The following USH2A variants were observed in gnomAD, a reference collection of about 807,000 sequenced individuals.
USH2A encodes the protein usherin, also known as Usher syndrome 2A (autosomal recessive, mild).
USH2A carries 443 observed loss-of-function variants against 538.9 expected under a neutral mutation model. That is an observed-to-expected ratio of 0.82 (90% CI 0.76 to 0.89). The LOEUF (loss-of-function observed/expected upper bound fraction) is 0.89, where lower values mean the gene tolerates loss of function less well. Ranked by LOEUF, USH2A falls within the 40% of genes least tolerant of loss-of-function variation. The probability of loss-of-function intolerance (pLI) is 0.00; values close to 1 mark genes in which losing one functional copy is unlikely to be tolerated. For missense variants in USH2A, 6,633 were observed against 6,324.8 expected (o/e 1.05, Z -1.65); for synonymous variants, 2,413 against 2,273.5 (o/e 1.06, Z -1.75).
chr1:216,233,308 T>C (rs1354671279), intron 13 of USH2A, among the ~76,000 whole-genome samples: 2 of 152,116 alleles, frequency 1.3e-5, no homozygotes, highest in African/African-American at 4.8e-5. Context: ...TTTTGACCTA[T>C]CTCTGTTGCT....
At chr1:215,901,330 A>C in intron 38 of USH2A, 1 of 273,824 alleles carries the variant, frequency 3.7e-6, no homozygotes, top group Non-Finnish European at 7.2e-6. Context: ...TGCCTTAATC[A>C]CACCACTACA....
At chr1:215,973,220 C>T (rs989120298) in intron 35 of USH2A, among the ~76,000 whole-genome samples, 1 of 152,032 alleles carries the variant, frequency 6.6e-6, no homozygotes, top group African/African-American at 2.4e-5. Context: ...AATTGGGGAA[C>T]AGAGAATGTC....
At chr1:216,242,695 G>A (rs1042228435) in intron 13 of USH2A, among the ~76,000 whole-genome samples, 6 of 152,008 alleles carry the variant, frequency 3.9e-5, no homozygotes, top group African/African-American at 1.5e-4. Context: ...ATATAAACAT[G>A]GCTACCCAGT....
At chr1:215,645,545 A>G (rs1325700500) in intron 67 of USH2A, among the ~76,000 whole-genome samples, 1 of 152,218 alleles carries the variant, frequency 6.6e-6, no homozygotes. Context: ...TGTTGTAAGA[A>G]TTATTTGTAA....
intron 3 of USH2A, among the ~76,000 whole-genome samples, chr1:216,416,437 G>A (rs892210323): frequency 2.0e-5 from 3 of 152,178 alleles, no homozygotes; most frequent in Middle Eastern, 3.4e-3. Context: ...ATGCAGAATA[G>A]TTTAAAACTT....
At chr1:216,147,283 C>CTA (rs1319815768) in intron 21 of USH2A, among the ~76,000 whole-genome samples, 5 of 152,076 alleles carry the variant, frequency 3.3e-5, no homozygotes, top group African/African-American at 1.2e-4. Context: ...CTCCTCCACC[C>CTA]TATAATCTTT....
At chr1:215,790,562 T>A (rs1571689828) in intron 50 of USH2A, among the ~76,000 whole-genome samples, 1 of 152,200 alleles carries the variant, frequency 6.6e-6, no homozygotes, top group Admixed American at 6.5e-5. Flanking sequence ...AGAGATAGGA[T>A]TTCTGTCATG....
chr1:216,422,237 G>GA lies in USH2A; in HGVS notation c.99_100insT (p.Arg34SerfsTer41), dbSNP rs141672841. The GA allele has an allele frequency of 1.9e-6, 3 of 1,613,080 alleles. No homozygotes were observed. The East Asian group carries it at 6.7e-5, about 36-fold the overall frequency. The stretch of plus-strand genomic sequence containing the variant: ...TTCTCCAGCCTTGGGAAAAGACCTC[G>GA]TGACTCAGTCAAGGATATTGAAGCA... On this transcript the variant is annotated frameshift_variant, in exon 2 of 72. Transcript: ENST00000307340. LOFTEE classifies it high-confidence loss of function.
chr1:216,131,181 T>C (rs1015930034), intron 21 of USH2A, among the ~76,000 whole-genome samples: 1 of 152,038 alleles, frequency 6.6e-6, no homozygotes, highest in African/African-American at 2.4e-5. Flanking sequence ...GCTAATTTGT[T>C]TGACTTTGTT....
intron 15 of USH2A, among the ~76,000 whole-genome samples, chr1:216,214,124 G>A (rs1186228411): frequency 6.6e-6 from 1 of 151,948 alleles, no homozygotes; most frequent in East Asian, 1.9e-4. Context: ...CAGCCATGTT[G>A]GAAAATAATT....
intron 11 of USH2A, among the ~76,000 whole-genome samples, chr1:216,278,844 A>C (rs964143878): frequency 2.0e-5 from 3 of 152,200 alleles, no homozygotes; most frequent in Non-Finnish European, 4.4e-5. Context: ...CAGAAGAGAA[A>C]CCATTAATGA....
chr1:216,034,686 G>A (rs1470006046), intron 32 of USH2A, among the ~76,000 whole-genome samples: 1 of 152,074 alleles, frequency 6.6e-6, no homozygotes, highest in Non-Finnish European at 1.5e-5. Flanking sequence ...ACCACTGACT[G>A]ACAGACACCT....
At chr1:216,026,847 C>G (rs1668979384) in intron 32 of USH2A, among the ~76,000 whole-genome samples, 1 of 152,096 alleles carries the variant, frequency 6.6e-6, no homozygotes, top group African/African-American at 2.4e-5. Flanking sequence ...AGCACCAGGT[C>G]AATTCATAGT....
At chr1:216,015,857 G>T (rs1668697280) in intron 32 of USH2A, among the ~76,000 whole-genome samples, 1 of 152,130 alleles carries the variant, frequency 6.6e-6, no homozygotes, top group Admixed American at 6.6e-5. Flanking sequence ...ATACCCAAAG[G>T]ATTATAAATC....
intron 19 of USH2A, among the ~76,000 whole-genome samples, chr1:216,193,509 T>C (rs1489132135): frequency 6.6e-6 from 1 of 152,074 alleles, no homozygotes; most frequent in Non-Finnish European, 1.5e-5. Context: ...GTGGATTGTA[T>C]AGTGTCTCCC....
At chr1:215,898,866 T>C (rs891977187) in intron 40 of USH2A, among the ~76,000 whole-genome samples, 1 of 152,220 alleles carries the variant, frequency 6.6e-6, no homozygotes, top group Non-Finnish European at 1.5e-5. Context: ...TAATGCTTTC[T>C]GGACTTTGGG....
At chr1:215,857,572 A>G (rs1451450896) in intron 44 of USH2A, among the ~76,000 whole-genome samples, 1 of 149,964 alleles carries the variant, frequency 6.7e-6, no homozygotes, top group South Asian at 2.1e-4. Flanking sequence ...AGTATTTATG[A>G]AAGGAGAAAC....
rs1026326311 is a variant in USH2A at position 215,878,927 on chromosome 1, C to A, written c.8395G>T (p.Gly2799Cys). The A allele has an allele frequency of 5.0e-6, 8 of 1,613,928 alleles. No individual in the cohort carries two copies. Among genetic ancestry groups the A allele is most frequent in the South Asian group, 1.1e-5 (1 of 91,062 alleles). Residue 2799 changes from glycine to cysteine, a missense_variant, in exon 42 of 72, where the codon GGT becomes TGT. Coordinates refer to ENST00000307340, the MANE Select transcript of USH2A (RefSeq NM_206933.4). ...YSVTIVACSG[G>C]NGYLGGCTES... is the part of the protein sequence containing the mutation. Reference sequence around the variant, plus strand: ...GTGCACCCTCCAAGGTACCCATTACCCCCTGAGCAAGCAACAATGGTGACA... The same window carrying A: ...GTGCACCCTCCAAGGTACCCATTACACCCTGAGCAAGCAACAATGGTGACA...
intron 41 of USH2A, among the ~76,000 whole-genome samples, chr1:215,880,537 A>T (rs1364972059): frequency 6.6e-6 from 1 of 152,180 alleles, no homozygotes; most frequent in African/African-American, 2.4e-5. Flanking sequence ...ATTTGCCTGG[A>T]TGTGGGGAAT....
Sources: allele counts gnomAD v4.1 joint callset (sites outside exome capture counted in the v4.1 genomes callset), GRCh38; gene constraint gnomAD v4.1.1; transcripts MANE v1.5; gene names NCBI Gene and HGNC (gene_info 2026-07-23, HGNC 2026-07-21).